Variants in CCSER1 observed in about 807,000 individuals in gnomAD.
CCSER1 encodes serine-rich coiled-coil domain-containing protein 1.
In CCSER1, 41 loss-of-function variants were observed where a neutral mutation model predicts 82.0. The observed-to-expected ratio is 0.50, with a 90% CI of 0.39 to 0.65. The LOEUF (loss-of-function observed/expected upper bound fraction) is 0.65. Among genes scored for constraint, CCSER1 ranks in the 30% least tolerant of loss-of-function variants. CCSER1 has a pLI of 0.00. For synonymous variants in CCSER1, 414 were observed against 383.9 expected (o/e 1.08, Z -0.92); for missense variants, 1,119 against 1,064.2 (o/e 1.05, Z -0.72).
chr4:91,222,902 C>T (rs1737865390), intron 10 of CCSER1, among the ~76,000 whole-genome samples: 1 of 151,914 alleles, frequency 6.6e-6, no homozygotes, highest in Admixed American at 6.6e-5. Flanking sequence ...AGAGCAAAGC[C>T]TTAGAGTGTA....
intron 4 of CCSER1, among the ~76,000 whole-genome samples, chr4:90,461,029 CTGTACTTAGG>C (rs1487223982): frequency 6.8e-6 from 1 of 146,214 alleles, no homozygotes; most frequent in African/African-American, 2.5e-5. Context: ...AGTCTTGTTC[CTGTACTTAGG>C]TGTTGCCCAG....
intron 3 of CCSER1, among the ~76,000 whole-genome samples, chr4:90,371,340 T>C (rs1747374963): frequency 6.6e-6 from 1 of 152,170 alleles, no homozygotes; most frequent in Admixed American, 6.6e-5. Flanking sequence ...GATTCTATAT[T>C]TTATAATTAC....
intron 7 of CCSER1, chr4:90,781,515 G>A: frequency 8.1e-6 from 8 of 984,864 alleles, no homozygotes; most frequent in Non-Finnish European, 9.6e-6. Flanking sequence ...TATTTGATTA[G>A]ATGTTAAACT....
chr4:90,977,464 G>A (rs1276040484), intron 9 of CCSER1, among the ~76,000 whole-genome samples: 12 of 151,380 alleles, frequency 7.9e-5, no homozygotes. Context: ...TTGAATTGGT[G>A]GGGTTGTAAT....
chr4:90,815,907 C>A (rs1758949579), intron 8 of CCSER1, 62 bp downstream of exon 8: 1 of 1,081,740 alleles, frequency 9.2e-7, no homozygotes. Context: ...TTGTTCCACG[C>A]CCTTATTTAT....
chr4:90,190,521 C>T (rs1330485759), intron 1 of CCSER1, among the ~76,000 whole-genome samples: 34 of 152,038 alleles, frequency 2.2e-4, no homozygotes, highest in Admixed American at 6.6e-5. Flanking sequence ...CTCAAATATT[C>T]CTCCTCACAT....
chr4:90,800,947 T>C (rs560431793), intron 7 of CCSER1, among the ~76,000 whole-genome samples: 26 of 151,718 alleles, frequency 1.7e-4, no homozygotes, highest in African/African-American at 5.8e-4. Flanking sequence ...TTTATAAAGA[T>C]AGGTTGAAAT....
chr4:90,141,020 A>ATATCTGTCTATCTATC (rs1553937164), intron 1 of CCSER1, among the ~76,000 whole-genome samples: 7 of 145,984 alleles, frequency 4.8e-5, no homozygotes, highest in African/African-American at 1.3e-4. Flanking sequence ...ACCCAGCAAG[A>ATATCTGTCTATCTATC]TATCTATCTA....
At chr4:90,294,047 G>A (rs1731404378) in intron 1 of CCSER1, among the ~76,000 whole-genome samples, 1 of 152,012 alleles carries the variant, frequency 6.6e-6, no homozygotes, top group Non-Finnish European at 1.5e-5. Context: ...ATGAATTATT[G>A]TGTTGTTAAA....
chr4:90,541,169 A>G (rs1316386801), intron 5 of CCSER1, among the ~76,000 whole-genome samples: 1 of 152,074 alleles, frequency 6.6e-6, no homozygotes, highest in Admixed American at 6.6e-5. Flanking sequence ...AAAGAAAGTA[A>G]TTGGAAGAAA....
chr4:90,156,740 A>G (rs1264179805), intron 1 of CCSER1, among the ~76,000 whole-genome samples: 1 of 151,814 alleles, frequency 6.6e-6, no homozygotes, highest in African/African-American at 2.4e-5. Flanking sequence ...ATCTTCCTCT[A>G]TCCTTTTATT....
intron 3 of CCSER1, among the ~76,000 whole-genome samples, chr4:90,380,121 A>T (rs1748987715): frequency 6.6e-6 from 1 of 152,158 alleles, no homozygotes; most frequent in Admixed American, 6.6e-5. Context: ...ATTCAACATG[A>T]GATTTGAGCA....
intron 10 of CCSER1, among the ~76,000 whole-genome samples, chr4:91,282,760 G>C (rs59829634): frequency 6.6e-6 from 1 of 152,070 alleles, no homozygotes; most frequent in African/African-American, 2.4e-5. Flanking sequence ...TAGAAGTAAG[G>C]TTCATTAAAA....
chr4:91,223,723 AG>A (rs1737932217), intron 10 of CCSER1, among the ~76,000 whole-genome samples: 2 of 152,088 alleles, frequency 1.3e-5, no homozygotes, highest in African/African-American at 4.8e-5. Context: ...GGATTTATTG[AG>A]GATGTCCAAA....
intron 10 of CCSER1, among the ~76,000 whole-genome samples, chr4:91,299,990 G>A (rs1744542839): frequency 6.6e-6 from 1 of 151,892 alleles, no homozygotes; most frequent in African/African-American, 2.4e-5. Context: ...TGCCAAGTTA[G>A]CAGCTCGGAA....
rs576442772 is a variant in CCSER1, at chr4:90,567,773, A to AT, written c.1725-60247dup. 7.2e-5 allele frequency among the ~76,000 whole-genome samples: 11 copies of AT among 151,846 alleles called. No homozygotes were observed. The South Asian group carries it at 2.1e-3, about 29-fold the overall frequency. The stretch of plus-strand genomic sequence containing the variant: ...AGGCACACACCACCATGTGTAGCTA[A>AT]TTTTTGTATTTTATATAGAGACAGA... On this transcript the variant is annotated intron_variant, in intron 5 of 10. Coordinates refer to ENST00000509176, the MANE Select transcript of CCSER1 (RefSeq NM_001145065.2).
At chr4:91,033,809 A>C (rs1329150684) in intron 9 of CCSER1, among the ~76,000 whole-genome samples, 3 of 152,210 alleles carry the variant, frequency 2.0e-5, no homozygotes, top group African/African-American at 7.2e-5. Context: ...CGTAAGGAGA[A>C]GTACTTGTAA....
chr4:90,873,282 G>A (rs1232954007), intron 8 of CCSER1, among the ~76,000 whole-genome samples: 1 of 151,006 alleles, frequency 6.6e-6, no homozygotes, highest in African/African-American at 2.4e-5. Context: ...TTTTTCTTTT[G>A]CCTCCTCTGA....
At chr4:91,434,471 A>G (rs1754525566) in intron 10 of CCSER1, among the ~76,000 whole-genome samples, 1 of 152,202 alleles carries the variant, frequency 6.6e-6, no homozygotes, top group African/African-American at 2.4e-5. Context: ...CAAAAGCAAT[A>G]CGGGTAAAAA....
Sources: allele counts gnomAD v4.1 joint callset (sites outside exome capture counted in the v4.1 genomes callset), GRCh38; gene constraint gnomAD v4.1.1; transcripts MANE v1.5; gene names NCBI Gene and HGNC (gene_info 2026-07-23, HGNC 2026-07-21).